The following NSA2 variants were observed in gnomAD, a reference collection of about 807,000 sequenced individuals.
The protein encoded by NSA2 is NSA2 ribosome biogenesis factor, also known as ribosome biogenesis protein NSA2 homolog.
A neutral mutation model predicts 34.8 loss-of-function variants in NSA2; 18 were observed. The ratio of observed to expected loss-of-function variants is 0.52; its 90% CI spans 0.36 to 0.77. The LOEUF is 0.77. Ranked by LOEUF, NSA2 falls within the 30% of genes least tolerant of loss-of-function variation. The pLI is 0.00. For missense variants in NSA2, 188 were observed against 314.7 expected (o/e 0.60, Z 3.05); for synonymous variants, 79 against 100.2 (o/e 0.79, Z 1.26).
rs1383626108 is a variant in NSA2 at position 74,779,034 on chromosome 5, C to G, written c.*2363C>G. 1 of 152,104 alleles carries G rather than the reference C, an allele frequency of 6.6e-6. No homozygotes were observed. Among genetic ancestry groups the G allele is most frequent in the African/African-American group, 2.4e-5 (1 of 41,446 alleles). 9.4% of individuals were successfully genotyped at this position (152,104 alleles called of 1,614,324 possible). On this transcript the variant is annotated 3_prime_UTR_variant, in exon 6 of 6. Transcript: ENST00000610426. ...TTTCCAAGTGATCTAACTTTTCCCT[C>G]TATAATCTATAAACCCCAAAATAAC...
At chr5:74,774,193 T>G (rs1015199325) in intron 5 of NSA2, 133 bp downstream of exon 5, 12 of 543,284 alleles carry the variant, frequency 2.2e-5, no homozygotes, top group Middle Eastern at 6.5e-4. Context: ...AAATCAGATG[T>G]AAATATTTAG....
intron 5 of NSA2, among the ~76,000 whole-genome samples, chr5:74,774,735 A>G (rs995040844): frequency 6.7e-6 from 1 of 148,450 alleles, no homozygotes; most frequent in Non-Finnish European, 1.5e-5. Flanking sequence ...TATATCAAAC[A>G]TATTTTAAAA....
At chr5:74,774,323 A>G (rs2112423429) in intron 5 of NSA2, among the ~76,000 whole-genome samples, 1 of 152,326 alleles carries the variant, frequency 6.6e-6, no homozygotes, top group South Asian at 2.1e-4. Context: ...CTTTTTAGCC[A>G]GGCACAGCAG....
At chr5:74,774,512 G>C (rs570408147) in intron 5 of NSA2, among the ~76,000 whole-genome samples, 2 of 152,152 alleles carry the variant, frequency 1.3e-5, no homozygotes, top group Non-Finnish European at 2.9e-5. Context: ...GCTGAGGCAG[G>C]AGAATCACTT....
chr5:74,776,305 G>A (rs1745117807), intron 5 of NSA2, among the ~76,000 whole-genome samples: 1 of 152,150 alleles, frequency 6.6e-6, no homozygotes, highest in Admixed American at 6.5e-5. Context: ...TTCGAGCCCA[G>A]CCTGGGCAAC....
Position 74,779,443 on chromosome 5 carries a change from A to C in NSA2, c.*2772A>C, listed in dbSNP as rs1008355829. The stretch of plus-strand genomic sequence containing the variant: ...AATTTGAAAAGAAAGTATTTTAAAC[A>C]AATCCAAGTAAAAATAAAATATCTA... On this transcript the variant is annotated 3_prime_UTR_variant, in exon 6 of 6. Coordinates refer to ENST00000610426, the MANE Select transcript of NSA2 (RefSeq NM_014886.6). The C allele has an allele frequency of 1.3e-5, 2 of 152,206 alleles. No homozygotes were observed. Among genetic ancestry groups the C allele is most frequent in the African/African-American group, 2.4e-5 (1 of 41,470 alleles). The allele number at this position is 152,206 out of a possible 1,614,324, so 9.4% of individuals were successfully genotyped here.
In NSA2 at chr5:74,779,833, A is replaced by C. The variant is rs1406713923; in HGVS notation, c.*3162A>C. ...CTTGATCGAAAATACCAACATCCCC[A>C]AACAAAATTTACTGACCTGACATCA... On this transcript the variant is annotated 3_prime_UTR_variant, in exon 6 of 6. Coordinates refer to ENST00000610426, the MANE Select transcript of NSA2 (RefSeq NM_014886.6). 1 of 152,192 alleles carries C rather than the reference A, an allele frequency of 6.6e-6. No homozygotes were observed. Among genetic ancestry groups the C allele is most frequent in the East Asian group, 1.9e-4 (1 of 5,198 alleles). 9.4% of individuals were successfully genotyped at this position (152,192 alleles called of 1,614,324 possible). A position where few individuals can be genotyped will look rare whatever the true frequency, so the allele number is the denominator to read the frequency against.
intron 5 of NSA2, 74 bp downstream of exon 5, chr5:74,774,134 A>C: frequency 9.7e-7 from 1 of 1,026,788 alleles, no homozygotes; most frequent in Non-Finnish European, 1.4e-6. Flanking sequence ...TTGATGTATT[A>C]ATAAAATATA....
At chr5:74,772,281 C>T (rs777713291) in intron 4 of NSA2, among the ~76,000 whole-genome samples, 3 of 152,132 alleles carry the variant, frequency 2.0e-5, no homozygotes, top group South Asian at 2.1e-4. Context: ...CCCGCTACCA[C>T]GCCCGGCTAA....
At position 74,778,078 on chromosome 5, in the gene NSA2, C is replaced by G. The variant is rs1745211252; in HGVS notation, c.*1407C>G. On this transcript the variant is annotated 3_prime_UTR_variant, in exon 6 of 6. Coordinates refer to ENST00000610426, the MANE Select transcript of NSA2 (RefSeq NM_014886.6). ...TAGAAGGCGAATAAAAATACTGACTCCAGGTAATTTCTGGATACTACAAAA... is the reference window on the plus strand; with the variant it reads ...TAGAAGGCGAATAAAAATACTGACTGCAGGTAATTTCTGGATACTACAAAA... 1 of 151,982 alleles carries G rather than the reference C, an allele frequency of 6.6e-6. No individual in the cohort carries two copies. The highest frequency in any genetic ancestry group is 1.5e-5 in the Non-Finnish European group (1 of 67,902). 9.4% of individuals were successfully genotyped at this position (151,982 alleles called of 1,614,324 possible). A position where few individuals can be genotyped will look rare whatever the true frequency, so the allele number is the denominator to read the frequency against.
At chr5:74,772,084 A>G (rs988225094) in intron 4 of NSA2, among the ~76,000 whole-genome samples, 1 of 151,976 alleles carries the variant, frequency 6.6e-6, no homozygotes, top group African/African-American at 2.4e-5. Context: ...AGAGAGAGGA[A>G]AGTTGCAACA....
rs535211363 is a variant in NSA2, at chr5:74,767,367, A to G, written c.3+4A>G. The stretch of plus-strand genomic sequence containing the variant: ...CGGCTCTGCGGCCGTCACCATGGTA[A>G]GGAGGATGCCTCGGACGCTCGCGAC... On this transcript the variant is annotated splice_donor_region_variant and intron_variant, in intron 1 of 5. Transcript: ENST00000610426. The G allele has an allele frequency of 1.2e-6, 2 of 1,613,228 alleles. No individual in the cohort carries two copies. The highest frequency in any genetic ancestry group is 2.7e-5 in the African/African-American group (2 of 75,020).
At chr5:74,772,763 A>G (rs1013379150) in intron 4 of NSA2, among the ~76,000 whole-genome samples, 3 of 152,240 alleles carry the variant, frequency 2.0e-5, no homozygotes, top group Non-Finnish European at 4.4e-5. Context: ...CAGATTTGTC[A>G]TTATAATCAG....
intron 4 of NSA2, among the ~76,000 whole-genome samples, chr5:74,773,460 C>T (rs1322560573): frequency 1.3e-5 from 2 of 149,070 alleles, no homozygotes; most frequent in Non-Finnish European, 3.0e-5. Flanking sequence ...TGGCGAAACC[C>T]CATCTCTACC....
At position 74,767,260 on chromosome 5, in the gene NSA2, T is replaced by C; in HGVS notation, c.-101T>C. ...CGTTTTAAAGGGTGACTCTTTCCTG[T>C]CCCGGCCTGCGTGGTGTGGGCTTGT... On this transcript the variant is annotated 5_prime_UTR_variant, in exon 1 of 6. Coordinates refer to ENST00000610426, the MANE Select transcript of NSA2 (RefSeq NM_014886.6). 1 of 1,454,372 alleles carries C rather than the reference T, an allele frequency of 6.9e-7. No homozygotes were observed. Among genetic ancestry groups the C allele is most frequent in the South Asian group, 1.1e-5 (1 of 87,280 alleles). 90.1% of individuals were successfully genotyped at this position (1,454,372 alleles called of 1,614,324 possible).
chr5:74,771,075 CA>C (rs1346826404), intron 4 of NSA2, among the ~76,000 whole-genome samples: 1 of 151,824 alleles, frequency 6.6e-6, no homozygotes, highest in Non-Finnish European at 1.5e-5. Context: ...GTTAGGAGTT[CA>C]AGACCAGCCT....
At chr5:74,772,103 T>TC (rs1407780754) in intron 4 of NSA2, among the ~76,000 whole-genome samples, 1 of 150,754 alleles carries the variant, frequency 6.6e-6, no homozygotes, top group Non-Finnish European at 1.5e-5. Flanking sequence ...CATGCCATAA[T>TC]CCTAGTGTTC....
Position 74,772,142 on chromosome 5 carries a change from T to G in NSA2, c.522+1332T>G, listed in dbSNP as rs1226490947. Among the ~76,000 whole-genome samples the G allele has an allele frequency of 1.1e-4, 16 of 150,464 alleles. No individual in the cohort carries two copies. The South Asian group carries it at 1.3e-3, about 12-fold the overall frequency. ...CTGAGTAATTTTTTTTTTTTTTTTT[T>G]GGGACGGAGTCTCCCTCTGTATCCC... On this transcript the variant is annotated intron_variant, in intron 4 of 5. Transcript: ENST00000610426.
chr5:74,770,834 G>T lies in NSA2; in HGVS notation c.522+24G>T. The T allele has an allele frequency of 2.0e-6, 3 of 1,484,284 alleles. No individual in the cohort carries two copies. The South Asian group carries it at 4.2e-5, about 21-fold the overall frequency. The allele number at this position is 1,484,284 out of a possible 1,614,324, so 91.9% of individuals were successfully genotyped here. A position where few individuals can be genotyped will look rare whatever the true frequency, so the allele number is the denominator to read the frequency against. ...TGGTAAGTCCTTGGAAGAGTGTAAT[G>T]ACCGAAATGTTAGTTGACTTTATTA... On this transcript the variant is annotated intron_variant, in intron 4 of 5. Transcript: ENST00000610426.
Sources: allele counts gnomAD v4.1 joint callset (sites outside exome capture counted in the v4.1 genomes callset), GRCh38; gene constraint gnomAD v4.1.1; transcripts MANE v1.5; gene names NCBI Gene and HGNC (gene_info 2026-07-23, HGNC 2026-07-21).